GNG2: variants seen among roughly 807,000 people sequenced by gnomAD.
The protein encoded by GNG2 is G protein subunit gamma 2.
A neutral mutation model predicts 5.5 loss-of-function variants in GNG2; 5 were observed. The ratio of observed to expected loss-of-function variants is 0.91; its 90% CI spans 0.48 to 1.92. GNG2 has a LOEUF of 1.92. GNG2 is among the 30% of genes most tolerant of loss of function. GNG2 has a pLI of 0.01. For missense variants in GNG2, 55 were observed against 88.4 expected (o/e 0.62, Z 1.52); for synonymous variants, 28 against 32.0 (o/e 0.88, Z 0.42).
chr14:51,952,100 G>C, intron 3 of GNG2: 1 of 578,666 alleles, frequency 1.7e-6, no homozygotes, highest in South Asian at 2.2e-5. Flanking sequence ...ACTGTCCTAT[G>C]GGAAGGAGTT....
At chr14:51,833,335 T>C (rs997126069) in intron 2 of GNG2, among the ~76,000 whole-genome samples, 1 of 152,198 alleles carries the variant, frequency 6.6e-6, no homozygotes, top group Non-Finnish European at 1.5e-5. Context: ...CTTTCCTTTT[T>C]CAACTTTTTT....
Position 51,876,586 on chromosome 14 carries a change from A to T in GNG2, c.-70-1031A>T, listed in dbSNP as rs200668604. On this transcript the variant is annotated intron_variant, in intron 1 of 3. Coordinates refer to ENST00000556766, the MANE Select transcript of GNG2 (RefSeq NM_053064.5). ...TGTTACCCAAGGGTTCATTCTCCGA[A>T]AATAAGTTGTTTTTAGCCCTTGGCT... Among the ~76,000 whole-genome samples, 17 of 152,244 alleles carry T rather than the reference A, an allele frequency of 1.1e-4. No homozygotes were observed. The East Asian group carries it at 3.1e-3, about 28-fold the overall frequency.
rs1056286247 is a variant in GNG2, at chr14:51,948,835, G to A, written c.-29-1815G>A. 2.6e-5 allele frequency among the ~76,000 whole-genome samples: 4 copies of A among 152,070 alleles called. 1 individual carries two copies. The highest frequency in any genetic ancestry group is 9.7e-5 in the African/African-American group (4 of 41,404). Reference sequence around the variant, plus strand: ...TCCAAACTCTTTGAAAATAAATTGAGGGATGGCCGGGCGTGGTGGCTCATG... The same window carrying A: ...TCCAAACTCTTTGAAAATAAATTGAAGGATGGCCGGGCGTGGTGGCTCATG... On this transcript the variant is annotated intron_variant, in intron 2 of 3. Transcript: ENST00000556766.
chr14:51,957,887 T>C (rs1383110207), intron 3 of GNG2, among the ~76,000 whole-genome samples: 1 of 152,200 alleles, frequency 6.6e-6, no homozygotes, highest in Admixed American at 6.5e-5. Flanking sequence ...AACAAAACTT[T>C]GGCATTAATA....
chr14:51,861,992 C>T (rs1265819104), intron 1 of GNG2, among the ~76,000 whole-genome samples: 2 of 152,168 alleles, frequency 1.3e-5, no homozygotes, highest in African/African-American at 4.8e-5. Context: ...TTGACACTCA[C>T]AGATTCTTGA....
chr14:51,926,030 CTTTCT>C (rs1887297214), intron 2 of GNG2, among the ~76,000 whole-genome samples: 1 of 151,698 alleles, frequency 6.6e-6, no homozygotes. Flanking sequence ...TCTTTTCTTT[CTTTCT>C]TTTTTCTTTT....
chr14:51,932,727 A>G (rs1887739628), intron 2 of GNG2, among the ~76,000 whole-genome samples: 1 of 152,244 alleles, frequency 6.6e-6, no homozygotes, highest in Admixed American at 6.5e-5. Flanking sequence ...GAAGCCATCC[A>G]TTGTGTTAAA....
intron 2 of GNG2, among the ~76,000 whole-genome samples, chr14:51,944,197 A>G (rs1407166819): frequency 1.3e-5 from 2 of 151,128 alleles, no homozygotes; most frequent in East Asian, 2.0e-4. Flanking sequence ...GTCTGACTCA[A>G]TTTGGGCTGC....
At chr14:51,934,177 G>A (rs997670652) in intron 2 of GNG2, among the ~76,000 whole-genome samples, 13 of 152,216 alleles carry the variant, frequency 8.5e-5, no homozygotes, top group Non-Finnish European at 1.6e-4. Flanking sequence ...GCACGTGAGG[G>A]CATGAGGGTT....
intron 2 of GNG2, among the ~76,000 whole-genome samples, chr14:51,887,653 T>C (rs1884558678): frequency 6.6e-6 from 1 of 152,114 alleles, no homozygotes; most frequent in Admixed American, 6.6e-5. Flanking sequence ...GGCAGTGTGG[T>C]GTAGAGAAAA....
intron 2 of GNG2, among the ~76,000 whole-genome samples, chr14:51,925,850 G>GT (rs1390354720): frequency 6.6e-6 from 1 of 151,698 alleles, no homozygotes; most frequent in East Asian, 1.9e-4. Context: ...CCAAACTCCT[G>GT]GCCTCAAGTG....
intron 2 of GNG2, among the ~76,000 whole-genome samples, chr14:51,943,569 AT>A (rs1361059933): frequency 6.6e-6 from 1 of 152,204 alleles, no homozygotes; most frequent in African/African-American, 2.4e-5. Flanking sequence ...TTCTTTTTGT[AT>A]GCAGTTACTT....
chr14:51,888,999 A>C (rs2140155969), intron 2 of GNG2, among the ~76,000 whole-genome samples: 1 of 152,284 alleles, frequency 6.6e-6, no homozygotes, highest in African/African-American at 2.4e-5. Context: ...CAGGCACTGA[A>C]ATGTCCAGAA....
chr14:51,850,089 C>T lies in GNG2; in HGVS notation c.64+22282C>T, dbSNP rs1159599871. On this transcript the variant is annotated intron_variant, in intron 2 of 3. Transcript: ENST00000553432. ...TCCCTAAAAAGACTAATACTAATCA[C>T]GGAATTAAAACTTTGTTTCTGGGAG... Among the ~76,000 whole-genome samples, 7 of 152,162 alleles carry T rather than the reference C, an allele frequency of 4.6e-5. No homozygotes were observed. In the South Asian group the frequency reaches 8.3e-4, roughly 18 times the overall value.
chr14:51,850,651 T>C (rs1218300989), intron 2 of GNG2, among the ~76,000 whole-genome samples: 2 of 152,242 alleles, frequency 1.3e-5, no homozygotes, highest in African/African-American at 2.4e-5. Flanking sequence ...AGAGGTTTAA[T>C]TGGCTCTCCA....
chr14:51,833,620 A>G (rs1038838581), intron 2 of GNG2, among the ~76,000 whole-genome samples: 2 of 152,246 alleles, frequency 1.3e-5, no homozygotes, highest in African/African-American at 4.8e-5. Context: ...GGAATTTTTA[A>G]CAGTGCTCAA....
intron 2 of GNG2, among the ~76,000 whole-genome samples, chr14:51,905,337 T>G (rs531347815): frequency 3.3e-4 from 51 of 152,334 alleles, no homozygotes; most frequent in Non-Finnish European, 6.3e-4. Flanking sequence ...GTTTTCAATC[T>G]TTAAGGGGGT....
chr14:51,841,397 CCAAA>C (rs1041924067), intron 2 of GNG2: 581 of 545,342 alleles, frequency 1.1e-3, no homozygotes, highest in South Asian at 2.3e-3. Flanking sequence ...AGAGGCTGCA[CCAAA>C]CAAACAAACA....
chr14:51,896,453 TAA>T (rs947331257), intron 2 of GNG2, among the ~76,000 whole-genome samples: 7 of 152,178 alleles, frequency 4.6e-5, no homozygotes, highest in African/African-American at 7.2e-5. Flanking sequence ...AAGAAAAGTA[TAA>T]GTTTCCAAAT....
Sources: allele counts gnomAD v4.1 joint callset (sites outside exome capture counted in the v4.1 genomes callset), GRCh38; gene constraint gnomAD v4.1.1; transcripts MANE v1.5; gene names NCBI Gene and HGNC (gene_info 2026-07-23, HGNC 2026-07-21).